TP53INP1: variants seen among roughly 807,000 people sequenced by gnomAD.
The protein encoded by TP53INP1 is tumor protein p53-inducible nuclear protein 1.
A neutral mutation model predicts 21.0 loss-of-function variants in TP53INP1; 12 were observed. The observed-to-expected ratio is 0.57, with a 90% CI of 0.37 to 0.93. TP53INP1 has a LOEUF of 0.93. Ranked by LOEUF, TP53INP1 falls within the 40% of genes least tolerant of loss-of-function variation. The pLI is 0.01. For missense variants in TP53INP1, 274 were observed against 294.7 expected, an observed-to-expected ratio of 0.93 and a Z score of 0.51; for synonymous variants, 91 against 94.8, an observed-to-expected ratio of 0.96 and a Z score of 0.23.
At chr8:94,942,037 G>A (rs1051228641) in intron 1 of TP53INP1, among the ~76,000 whole-genome samples, 2 of 149,434 alleles carry the variant, frequency 1.3e-5, no homozygotes, top group East Asian at 2.0e-4. Context: ...CACCCTTCAC[G>A]CTTTTTTTTT....
At chr8:94,947,900 T>G (rs1260768884) in intron 1 of TP53INP1, among the ~76,000 whole-genome samples, 1 of 152,354 alleles carries the variant, frequency 6.6e-6, no homozygotes, top group African/African-American at 2.4e-5. Flanking sequence ...TTACACTGAT[T>G]GCGACTTAAA....
rs765186754 is a variant in TP53INP1, at chr8:94,927,707, CTT to C, written c.*2770_*2771del. The C allele has an allele frequency of 6.6e-6, 1 of 152,184 alleles. No individual in the cohort carries two copies. Among genetic ancestry groups the C allele is most frequent in the Non-Finnish European group, 1.5e-5 (1 of 67,986 alleles). The allele number at this position is 152,184 out of a possible 1,614,324, so 9.4% of individuals were successfully genotyped here. On this transcript the variant is annotated 3_prime_UTR_variant, in exon 4 of 4. Coordinates refer to ENST00000342697, the MANE Select transcript of TP53INP1 (RefSeq NM_033285.4). ...AAAATGTTTTGTCAACAAAAACAAA[CTT>C]TGAGAAACATGGCGCACTATAAAAG...
rs564644373 is a variant in TP53INP1 at position 94,931,395 on chromosome 8, A to AT, written c.474-668dup. 3.6e-3 allele frequency among the ~76,000 whole-genome samples: 543 copies of AT among 152,116 alleles called. 2 individuals are homozygous for AT. The highest frequency in any genetic ancestry group is 6.3e-3 in the Non-Finnish European group (428 of 67,976). On this transcript the variant is annotated intron_variant, in intron 3 of 3. Coordinates refer to ENST00000342697, the MANE Select transcript of TP53INP1 (RefSeq NM_033285.4). Reference sequence around the variant, plus strand: ...TTACATGGCAATATAAGACTCTTGAATAACACAATCTTAAAATTGGCTACA... The same window carrying AT: ...TTACATGGCAATATAAGACTCTTGAATTAACACAATCTTAAAATTGGCTACA...
intron 3 of TP53INP1, chr8:94,932,128 A>C: frequency 6.2e-7 from 1 of 1,605,188 alleles, no homozygotes; most frequent in Non-Finnish European, 8.5e-7. Context: ...TAAATGGTGA[A>C]CTATTAAATC....
chr8:94,931,403 A>G (rs529999585), intron 3 of TP53INP1, among the ~76,000 whole-genome samples: 7 of 146,152 alleles, frequency 4.8e-5, no homozygotes, highest in South Asian at 4.2e-4. Context: ...GAATAACACA[A>G]TCTTAAAATT....
intron 3 of TP53INP1, chr8:94,939,569 GTTA>G (rs1482789694): frequency 6.0e-6 from 2 of 332,170 alleles, no homozygotes; most frequent in East Asian, 1.5e-4. Context: ...CTAATTTTTT[GTTA>G]TTTTTTGTAC....
chr8:94,948,293 G>A (rs758537626), intron 1 of TP53INP1, among the ~76,000 whole-genome samples: 1 of 152,116 alleles, frequency 6.6e-6, no homozygotes, highest in Admixed American at 6.5e-5. Flanking sequence ...TCTGTGCCTC[G>A]GGTTTCCTAT....
chr8:94,937,573 G>C (rs1821110957), intron 3 of TP53INP1, among the ~76,000 whole-genome samples: 1 of 152,128 alleles, frequency 6.6e-6, no homozygotes, highest in African/African-American at 2.4e-5. Flanking sequence ...CATGACTTAT[G>C]CAATTCTAGC....
chr8:94,926,260 C>G lies in TP53INP1; in HGVS notation c.*4219G>C, dbSNP rs947031567. On this transcript the variant is annotated 3_prime_UTR_variant, in exon 4 of 4. Transcript: ENST00000342697. ...TGTACAGTAACCTAACCAAATGTCC[C>G]TTTTGAATTTTCAAGTTACTGAAAA... 6.6e-6 allele frequency: 1 copy of G among 152,390 alleles called. No individual in the cohort carries two copies. The highest frequency in any genetic ancestry group is 2.4e-5 in the African/African-American group (1 of 41,336). 9.4% of individuals were successfully genotyped at this position (152,390 alleles called of 1,614,324 possible). A position where few individuals can be genotyped will look rare whatever the true frequency, so the allele number is the denominator to read the frequency against.
chr8:94,942,217 T>A (rs912662077), intron 1 of TP53INP1, among the ~76,000 whole-genome samples: 3 of 151,950 alleles, frequency 2.0e-5, no homozygotes, highest in Non-Finnish European at 4.4e-5. Flanking sequence ...CTTTTTTTTT[T>A]ATTTAGTGGA....
chr8:94,942,802 T>C (rs1316167791), intron 1 of TP53INP1, among the ~76,000 whole-genome samples: 12 of 152,096 alleles, frequency 7.9e-5, no homozygotes, highest in Admixed American at 7.9e-4. Context: ...AAAGGAACAC[T>C]ATGGAAGCCT....
At chr8:94,936,806 TC>T (rs1821021942) in intron 3 of TP53INP1, among the ~76,000 whole-genome samples, 9 of 152,232 alleles carry the variant, frequency 5.9e-5, no homozygotes, top group African/African-American at 1.9e-4. Context: ...GGAGGTGCCA[TC>T]CTGGGTTCAT....
chr8:94,932,038 A>C, intron 3 of TP53INP1: 1 of 1,600,430 alleles, frequency 6.2e-7, no homozygotes, highest in Non-Finnish European at 8.5e-7. Context: ...ATGCATACAT[A>C]TATCACACAG....
intron 3 of TP53INP1, among the ~76,000 whole-genome samples, chr8:94,936,470 C>CG (rs1177335720): frequency 6.6e-6 from 1 of 152,160 alleles, no homozygotes; most frequent in Non-Finnish European, 1.5e-5. Flanking sequence ...CGTGAACAGA[C>CG]AGCATCTTGT....
At position 94,935,894 on chromosome 8, in the gene TP53INP1, C is replaced by CA. The variant is rs201578791; in HGVS notation, c.473+3965dup. ...ACTTCCCCTACCTAGTACTGTAAAA[C>CA]AAAAGGCATGTAAATCTGCCCTTCA... On this transcript the variant is annotated intron_variant, in intron 3 of 3. Transcript: ENST00000342697. Among the ~76,000 whole-genome samples the CA allele has an allele frequency of 8.3e-3, 1,270 of 152,278 alleles. 22 individuals are homozygous for CA. The highest frequency in any genetic ancestry group is 0.028 in the African/African-American group (1,147 of 41,544).
intron 1 of TP53INP1, among the ~76,000 whole-genome samples, chr8:94,948,597 G>A (rs1221272600): frequency 6.6e-6 from 1 of 152,180 alleles, no homozygotes; most frequent in Non-Finnish European, 1.5e-5. Flanking sequence ...GGAACTCGGA[G>A]GGCAGGCGCA....
At chr8:94,944,684 G>C (rs200132809) in intron 1 of TP53INP1, among the ~76,000 whole-genome samples, 1 of 152,160 alleles carries the variant, frequency 6.6e-6, no homozygotes, top group Admixed American at 6.5e-5. Flanking sequence ...GCTGACACCC[G>C]TGGGAAGAAC....
At chr8:94,935,142 TAGATAG>T (rs1563725731) in intron 3 of TP53INP1, among the ~76,000 whole-genome samples, 20 of 151,440 alleles carry the variant, frequency 1.3e-4, no homozygotes, top group African/African-American at 4.9e-4. Flanking sequence ...GATAGATAGA[TAGATAG>T]ATAGATAGAT....
In TP53INP1 at chr8:94,949,138, C is replaced by T. The variant is rs1384344196; in HGVS notation, c.-151+16G>A. 2 of 149,282 alleles carry T rather than the reference C, an allele frequency of 1.3e-5. No homozygotes were observed. The highest frequency in any genetic ancestry group is 2.4e-5 in the African/African-American group (1 of 41,070). 9.2% of individuals were successfully genotyped at this position (149,282 alleles called of 1,614,324 possible). A position where few individuals can be genotyped will look rare whatever the true frequency, so the allele number is the denominator to read the frequency against. Reference sequence around the variant, plus strand: ...GGCCCTGGACGGACGCCCGCCCGCCCCCCCCCGGCACTTACGTGGGCCCGG... The same window carrying T: ...GGCCCTGGACGGACGCCCGCCCGCCTCCCCCCGGCACTTACGTGGGCCCGG... On this transcript the variant is annotated intron_variant, in intron 1 of 3. Coordinates refer to ENST00000342697, the MANE Select transcript of TP53INP1 (RefSeq NM_033285.4).
Sources: gnomAD v4.1 joint callset for allele counts (sites outside exome capture counted in the v4.1 genomes callset) on GRCh38, gnomAD v4.1.1 for gene constraint, MANE v1.5 for transcripts, NCBI Gene and HGNC (gene_info 2026-07-23, HGNC 2026-07-21) for gene names.